Variants in CSMD1 observed in about 807,000 individuals in gnomAD.
CSMD1 encodes CUB and Sushi multiple domains 1, also known as CUB and sushi domain-containing protein 1.
A neutral mutation model predicts 417.5 loss-of-function variants in CSMD1; 213 were observed. The ratio of observed to expected loss-of-function variants is 0.51; its 90% CI spans 0.46 to 0.57. The LOEUF (loss-of-function observed/expected upper bound fraction) is 0.57, where lower values mean the gene tolerates loss of function less well. Among genes scored for constraint, CSMD1 ranks in the 20% least tolerant of loss-of-function variants. CSMD1 has a pLI of 0.00. For synonymous variants in CSMD1, 2,862 were observed against 1,736.8 expected (o/e 1.65, Z -16.11); for missense variants, 6,923 against 4,529.7 (o/e 1.53, Z -15.17).
intron 25 of CSMD1, among the ~76,000 whole-genome samples, chr8:3,290,251 C>G (rs902943312): frequency 6.8e-6 from 1 of 147,240 alleles, no homozygotes; most frequent in African/African-American, 2.7e-5. Flanking sequence ...AGTATGAAGT[C>G]AGGTAGCGTG....
chr8:4,901,236 C>G (rs1804852868), intron 1 of CSMD1, among the ~76,000 whole-genome samples: 1 of 152,138 alleles, frequency 6.6e-6, no homozygotes, highest in South Asian at 2.1e-4. Flanking sequence ...CAGACGCTTC[C>G]TCAAAAGTTG....
At chr8:4,514,768 A>C (rs2130363088) in intron 2 of CSMD1, among the ~76,000 whole-genome samples, 1 of 152,302 alleles carries the variant, frequency 6.6e-6, no homozygotes, top group South Asian at 2.1e-4. Flanking sequence ...AGAATAAAGA[A>C]GATACACACT....
rs1491554883 is a variant in CSMD1, at chr8:3,838,753, AAT to A, written c.819-84713_819-84712del. ...ATATTATATAGTATAATATATAATA[AAT>A]ATTATATAGTATAATATATAATAAA... On this transcript the variant is annotated intron_variant, in intron 5 of 69. Transcript: ENST00000635120. 2.2e-3 allele frequency among the ~76,000 whole-genome samples: 90 copies of A among 41,826 alleles called. 9 individuals carry two copies. The highest frequency in any genetic ancestry group is 5.3e-3 in the African/African-American group (25 of 4,732). The allele number at this position is 41,826 out of a possible 152,430, so 27.4% of individuals were successfully genotyped here. A position where few individuals can be genotyped will look rare whatever the true frequency, so the allele number is the denominator to read the frequency against.
intron 6 of CSMD1, among the ~76,000 whole-genome samples, chr8:3,719,476 C>A (rs1464323534): frequency 6.6e-6 from 1 of 152,196 alleles, no homozygotes; most frequent in East Asian, 1.9e-4. Flanking sequence ...TGGTATTTAA[C>A]TCAGAACAAA....
At chr8:4,847,824 A>C (rs1801235439) in intron 1 of CSMD1, among the ~76,000 whole-genome samples, 2 of 148,852 alleles carry the variant, frequency 1.3e-5, no homozygotes, top group South Asian at 4.2e-4. Flanking sequence ...TCTATACAAT[A>C]TACCTATTTA....
chr8:3,032,714 T>C (rs892327267), intron 50 of CSMD1, among the ~76,000 whole-genome samples: 1 of 151,998 alleles, frequency 6.6e-6, no homozygotes, highest in African/African-American at 2.4e-5. Context: ...CTCACAAAGG[T>C]GTCTACACTC....
intron 1 of CSMD1, among the ~76,000 whole-genome samples, chr8:4,680,394 C>G (rs773083517): frequency 2.0e-5 from 3 of 152,184 alleles, no homozygotes; most frequent in African/African-American, 4.8e-5. Flanking sequence ...TACAAGTGCA[C>G]TTTCTGGTGA....
intron 50 of CSMD1, among the ~76,000 whole-genome samples, chr8:3,037,842 C>T (rs1585202503): frequency 1.3e-5 from 2 of 152,138 alleles, no homozygotes; most frequent in South Asian, 4.1e-4. Context: ...ACAAAAAGGT[C>T]TCAAGGCATT....
chr8:4,205,203 G>C (rs1244668871), intron 3 of CSMD1, among the ~76,000 whole-genome samples: 1 of 152,100 alleles, frequency 6.6e-6, no homozygotes, highest in Non-Finnish European at 1.5e-5. Context: ...TAATAGCATT[G>C]CACATTTCTC....
intron 2 of CSMD1, among the ~76,000 whole-genome samples, chr8:4,627,857 C>T (rs1362037995): frequency 1.3e-5 from 2 of 152,132 alleles, no homozygotes; most frequent in Non-Finnish European, 2.9e-5. Flanking sequence ...CAAAGGTTTT[C>T]ACCCTTGGCA....
At chr8:4,396,736 G>T (rs112427030) in intron 3 of CSMD1, among the ~76,000 whole-genome samples, 3,957 of 152,118 alleles carry the variant, frequency 0.026, 155 homozygotes, top group African/African-American at 0.091. Context: ...CAGCAACCTG[G>T]ATGGAAATGG....
At chr8:3,433,003 G>T (rs183372806) in intron 12 of CSMD1, among the ~76,000 whole-genome samples, 1 of 152,152 alleles carries the variant, frequency 6.6e-6, no homozygotes, top group African/African-American at 2.4e-5. Flanking sequence ...ACAAAATTCA[G>T]TTTAAGATGT....
At chr8:2,958,439 T>C (rs960482464) in intron 62 of CSMD1, among the ~76,000 whole-genome samples, 1 of 152,184 alleles carries the variant, frequency 6.6e-6, no homozygotes, top group African/African-American at 2.4e-5. Context: ...ACGTATCTGC[T>C]CCACTCACCA....
chr8:3,769,767 T>A (rs1798471850), intron 5 of CSMD1, among the ~76,000 whole-genome samples: 1 of 152,206 alleles, frequency 6.6e-6, no homozygotes, highest in Non-Finnish European at 1.5e-5. Flanking sequence ...TTTGGTATTA[T>A]TTCTCACAGT....
intron 1 of CSMD1, among the ~76,000 whole-genome samples, chr8:4,815,928 A>T (rs968437942): frequency 6.6e-6 from 1 of 152,064 alleles, no homozygotes; most frequent in African/African-American, 2.4e-5. Context: ...TAGATTTTAA[A>T]CCAGATCTGG....
intron 3 of CSMD1, among the ~76,000 whole-genome samples, chr8:4,107,062 C>G (rs1349855990): frequency 6.6e-6 from 1 of 152,132 alleles, no homozygotes; most frequent in Non-Finnish European, 1.5e-5. Context: ...TCCAAGCAGG[C>G]ATCCATGTCA....
intron 3 of CSMD1, among the ~76,000 whole-genome samples, chr8:4,367,035 A>T (rs766217275): frequency 1.3e-5 from 2 of 152,132 alleles, no homozygotes; most frequent in African/African-American, 2.4e-5. Context: ...GCTGTGCAGA[A>T]GCTTCTTAGT....
intron 10 of CSMD1, among the ~76,000 whole-genome samples, chr8:3,533,263 T>C (rs1261970753): frequency 6.6e-6 from 1 of 152,214 alleles, no homozygotes; most frequent in Admixed American, 6.5e-5. Context: ...TTACATGACA[T>C]CTACCTCTTA....
chr8:2,998,714 CTCTG>C (rs1329386369), intron 53 of CSMD1, among the ~76,000 whole-genome samples: 1 of 152,154 alleles, frequency 6.6e-6, no homozygotes, highest in Non-Finnish European at 1.5e-5. Flanking sequence ...TGTTGAGAAT[CTCTG>C]TCATATGATC....
Sources: allele counts gnomAD v4.1 joint callset (sites outside exome capture counted in the v4.1 genomes callset), GRCh38; gene constraint gnomAD v4.1.1; transcripts MANE v1.5; gene names NCBI Gene and HGNC (gene_info 2026-07-23, HGNC 2026-07-21).